Variants in KCNT2 observed in about 807,000 individuals in gnomAD.
KCNT2 encodes the protein potassium channel subfamily T member 2.
KCNT2 carries 67 observed loss-of-function variants against 153.8 expected under a neutral mutation model. The observed-to-expected ratio is 0.44, with a 90% CI of 0.36 to 0.53. The LOEUF (loss-of-function observed/expected upper bound fraction) is 0.53, where lower values mean the gene tolerates loss of function less well. KCNT2 is among the 20% of genes least tolerant of loss of function. KCNT2 has a pLI of 0.00. For synonymous variants in KCNT2, 500 were observed against 458.8 expected (o/e 1.09, Z -1.15); for missense variants, 975 against 1,354.8 (o/e 0.72, Z 4.40).
chr1:196,412,100 T>C (rs1256674026), intron 12 of KCNT2, among the ~76,000 whole-genome samples: 4 of 151,832 alleles, frequency 2.6e-5, no homozygotes, highest in African/African-American at 7.2e-5. Context: ...ATGAGCTTAA[T>C]GATTATCTTA....
At chr1:196,262,533 A>G (rs185439905) in intron 25 of KCNT2, among the ~76,000 whole-genome samples, 15 of 152,156 alleles carry the variant, frequency 9.9e-5, no homozygotes, top group African/African-American at 3.4e-4. Context: ...TAAAGGTTAA[A>G]TTATAAGAAT....
At chr1:196,529,957 C>A (rs1654730133) in intron 1 of KCNT2, among the ~76,000 whole-genome samples, 1 of 151,976 alleles carries the variant, frequency 6.6e-6, no homozygotes, top group Admixed American at 6.6e-5. Context: ...AAATGGTGAT[C>A]ATGTCTACCA....
At chr1:196,515,622 AAAC>A (rs1681984409) in intron 1 of KCNT2, among the ~76,000 whole-genome samples, 1 of 152,322 alleles carries the variant, frequency 6.6e-6, no homozygotes, top group African/African-American at 2.4e-5. Context: ...CCTCATTAAA[AAAC>A]AACGACAACA....
intron 6 of KCNT2, among the ~76,000 whole-genome samples, chr1:196,468,622 T>A (rs1175341731): frequency 6.6e-6 from 1 of 152,034 alleles, no homozygotes; most frequent in Non-Finnish European, 1.5e-5. Flanking sequence ...AGATAGATAT[T>A]TTCAACGTAT....
chr1:196,517,314 G>A (rs1423314266), intron 1 of KCNT2, among the ~76,000 whole-genome samples: 1 of 152,178 alleles, frequency 6.6e-6, no homozygotes, highest in Non-Finnish European at 1.5e-5. Flanking sequence ...TCCACACACA[G>A]AGATGAGAAA....
intron 1 of KCNT2, among the ~76,000 whole-genome samples, chr1:196,521,266 A>G (rs948532131): frequency 1.3e-5 from 2 of 152,234 alleles, no homozygotes; most frequent in African/African-American, 4.8e-5. Context: ...ACCAGTAAGA[A>G]TGGCTATTAT....
chr1:196,335,881 C>G (rs536686334), intron 16 of KCNT2, among the ~76,000 whole-genome samples: 1 of 152,210 alleles, frequency 6.6e-6, no homozygotes, highest in South Asian at 2.1e-4. Context: ...ACTGATGATA[C>G]CAGAGTTTGT....
chr1:196,600,092 T>C (rs1664548576), intron 1 of KCNT2, among the ~76,000 whole-genome samples: 1 of 152,220 alleles, frequency 6.6e-6, no homozygotes, highest in Non-Finnish European at 1.5e-5. Context: ...CTTGTTCTAG[T>C]TGTACCTAGT....
intron 1 of KCNT2, among the ~76,000 whole-genome samples, chr1:196,598,624 T>G (rs1018687563): frequency 1.3e-5 from 2 of 152,214 alleles, no homozygotes; most frequent in Non-Finnish European, 2.9e-5. Context: ...TTCTTCCTAT[T>G]ATTTAAATAG....
intron 1 of KCNT2, among the ~76,000 whole-genome samples, chr1:196,505,005 T>C (rs2148777607): frequency 6.6e-6 from 1 of 152,306 alleles, no homozygotes; most frequent in South Asian, 2.1e-4. Context: ...GATAAGTAGG[T>C]TGTGAAAATT....
At chr1:196,400,545 G>A (rs1008089528) in intron 12 of KCNT2, among the ~76,000 whole-genome samples, 15 of 151,704 alleles carry the variant, frequency 9.9e-5, no homozygotes, top group East Asian at 2.0e-4. Flanking sequence ...GTCAGTTATC[G>A]AAAAAACATA....
chr1:196,489,708 T>A, intron 3 of KCNT2, 130 bp downstream of exon 3: 1 of 580,366 alleles, frequency 1.7e-6, no homozygotes, highest in Non-Finnish European at 3.1e-6. Context: ...AATCGATCAA[T>A]TTTATTTGTG....
At chr1:196,281,381 C>T (rs1288247218) in intron 24 of KCNT2, among the ~76,000 whole-genome samples, 4 of 152,182 alleles carry the variant, frequency 2.6e-5, no homozygotes, top group Admixed American at 6.6e-5. Context: ...CATATGGAAA[C>T]TATTTTGCAT....
chr1:196,232,199 T>C (rs1654016552), intron 27 of KCNT2, among the ~76,000 whole-genome samples: 1 of 151,772 alleles, frequency 6.6e-6, no homozygotes, highest in African/African-American at 2.4e-5. Flanking sequence ...TAAATATCAA[T>C]AGCATTGTGG....
intron 14 of KCNT2, among the ~76,000 whole-genome samples, chr1:196,370,483 T>C (rs572780752): frequency 6.6e-6 from 1 of 152,168 alleles, no homozygotes; most frequent in African/African-American, 2.4e-5. Context: ...GGGAATTGTA[T>C]TAGTCAGAGT....
intron 26 of KCNT2, among the ~76,000 whole-genome samples, chr1:196,248,751 C>T (rs749964626): frequency 2.0e-3 from 311 of 152,246 alleles, no homozygotes; most frequent in Non-Finnish European, 3.5e-3. Context: ...CCTACTCAAC[C>T]TATTCCAAAA....
intron 26 of KCNT2, among the ~76,000 whole-genome samples, chr1:196,239,952 A>C (rs1654800929): frequency 6.6e-6 from 1 of 152,090 alleles, no homozygotes; most frequent in Non-Finnish European, 1.5e-5. Flanking sequence ...CACAGAAAGA[A>C]GGCAGCCATC....
intron 8 of KCNT2, among the ~76,000 whole-genome samples, chr1:196,444,255 T>TAG (rs1675495178): frequency 2.0e-5 from 3 of 151,516 alleles, no homozygotes; most frequent in Non-Finnish European, 4.4e-5. Context: ...AGAAAGAACT[T>TAG]ACACTGGTTT....
chr1:196,374,788 T>G (rs957057324), intron 13 of KCNT2, among the ~76,000 whole-genome samples: 1 of 151,830 alleles, frequency 6.6e-6, no homozygotes, highest in African/African-American at 2.4e-5. Flanking sequence ...ATGTTATTAC[T>G]GTAGAATCAT....
Sources: allele counts gnomAD v4.1 joint callset (sites outside exome capture counted in the v4.1 genomes callset), GRCh38; gene constraint gnomAD v4.1.1; transcripts MANE v1.5; gene names NCBI Gene and HGNC (gene_info 2026-07-23, HGNC 2026-07-21).